Variants in NKX6-3 observed in about 807,000 individuals in gnomAD.
The protein encoded by NKX6-3 is NK6 homeobox 3.
A neutral mutation model predicts 22.0 loss-of-function variants in NKX6-3; 17 were observed. That is an observed-to-expected ratio of 0.77 (90% CI 0.53 to 1.16). The LOEUF is 1.16. NKX6-3 is among the 50% of genes most tolerant of loss of function. The pLI is 0.00. For missense variants in NKX6-3, 363 were observed against 359.0 expected, an observed-to-expected ratio of 1.01 and a Z score of -0.09; for synonymous variants, 177 against 167.2, an observed-to-expected ratio of 1.06 and a Z score of -0.45.
intron 1 of NKX6-3, among the ~76,000 whole-genome samples, chr8:41,649,751 G>T (rs926826619): frequency 6.6e-6 from 1 of 152,198 alleles, no homozygotes; most frequent in Non-Finnish European, 1.5e-5. Flanking sequence ...GGGTGAAGAA[G>T]TGGTTGCATG....
Position 41,650,422 on chromosome 8 carries a change from G to T in NKX6-3, c.71C>A (p.Ala24Asp), listed in dbSNP as rs752823489. 3.3e-6 allele frequency: 5 copies of T among 1,535,586 alleles called. No homozygotes were observed. Among genetic ancestry groups the T allele is most frequent in the Admixed American group, 3.9e-5 (2 of 50,970 alleles). Residue 24 changes from alanine (A) to aspartate (D), a missense_variant, in exon 1 of 3, where the codon GCC (alanine) becomes GAC (aspartate). Coordinates refer to ENST00000518699, the MANE Select transcript of NKX6-3 (RefSeq NM_001364841.2). ...TPLAQFPEMK[A>D]PVCQYSVQNS... ...CTGCACAGAGTACTGGCACACCGGG[G>T]CCTTCATCTCCGGAAACTGAGCCAG...
chr8:41,649,662 G>T (rs1267462496), intron 1 of NKX6-3, among the ~76,000 whole-genome samples: 2 of 152,208 alleles, frequency 1.3e-5, no homozygotes, highest in Admixed American at 1.3e-4. Flanking sequence ...GGTGCGTTCT[G>T]CACCCTTGAG....
rs564591770 is a variant in NKX6-3 at position 41,648,285 on chromosome 8, C to G, written c.383-50G>C. 1,188 of 1,468,438 alleles carry G rather than the reference C, an allele frequency of 8.1e-4. 3 individuals carry two copies. Among genetic ancestry groups the G allele is most frequent in the Non-Finnish European group, 1.0e-3 (1,117 of 1,100,830 alleles). The allele number at this position is 1,468,438 out of a possible 1,614,324, so 91.0% of individuals were successfully genotyped here. ...GTTAGTAGAATAAGTGGGGACCCTG[C>G]GGCTAGGCACGTCTGGCAGGGCAAC... On this transcript the variant is annotated intron_variant, in intron 1 of 2. Transcript: ENST00000518699.
Position 41,650,660 on chromosome 8 carries a change from G to A in NKX6-3, c.-168C>T, listed in dbSNP as rs1047729963. 1 of 663,978 alleles carries A rather than the reference G, an allele frequency of 1.5e-6. No individual in the cohort carries two copies. Among genetic ancestry groups the A allele is most frequent in the Non-Finnish European group, 2.5e-6 (1 of 401,182 alleles). 41.1% of individuals were successfully genotyped at this position (663,978 alleles called of 1,614,324 possible). ...GGCCCTGGCCCAGGAACCGGCACCC[G>A]ATCAGCTGCTCGGAAGTCAGGTGCT... On this transcript the variant is annotated 5_prime_UTR_variant, in exon 1 of 3. Transcript: ENST00000518699.
chr8:41,648,097 T>A lies in NKX6-3; in HGVS notation c.521A>T (p.Tyr174Phe). ...CTGCGACTCGGTCATGCCCAGTGAG[T>A]ATGCCAGCCGTGCCCTCTCGGGGCC... ...LAGPERARLA[Y>F]SLGMTESQVK... Residue 174 changes from tyrosine (Y) to phenylalanine (F), a missense_variant, in exon 2 of 3, where the codon TAC (tyrosine) becomes TTC (phenylalanine). Physicochemically the swap from Tyr to Phe is conservative, Grantham distance 22 (BLOSUM62 3). Around this residue, in one of 3 missense-constraint regions of NKX6-3, gnomAD observed 169 missense variants for 155.8 expected, o/e 1.08. Coordinates refer to ENST00000518699, the MANE Select transcript of NKX6-3 (RefSeq NM_001364841.2). 6.5e-7 allele frequency: 1 copy of A among 1,536,118 alleles called. No homozygotes were observed. Among genetic ancestry groups the A allele is most frequent in the Non-Finnish European group, 8.7e-7 (1 of 1,146,658 alleles).
rs1433894630 is a variant in NKX6-3 at position 41,650,134 on chromosome 8, C to G, written c.359G>C (p.Arg120Pro). The change falls in exon 1 of 3, where the codon CGA (arginine) becomes CCA (proline). Residue 120 changes from arginine (R) to proline (P), a missense_variant. By Grantham distance (103) the Arg-to-Pro change is moderately radical (BLOSUM62 -2). Coordinates refer to ENST00000518699, the MANE Select transcript of NKX6-3 (RefSeq NM_001364841.2). ...NCWADTGQDW[R>P]GGRQCSNTPD... Reference sequence around the variant, plus strand: ...ACTGTTGCTGCACTGCCGCCCGCCTCGCCAGTCTTGGCCCGTGTCCGCCCA... The same window carrying G: ...ACTGTTGCTGCACTGCCGCCCGCCTGGCCAGTCTTGGCCCGTGTCCGCCCA... 6.5e-7 allele frequency: 1 copy of G among 1,535,192 alleles called. No homozygotes were observed. Among genetic ancestry groups the G allele is most frequent in the African/African-American group, 1.4e-5 (1 of 72,990 alleles).
chr8:41,650,090 C>A (rs1231811671), intron 1 of NKX6-3, 21 bp downstream of exon 1: 1 of 1,518,160 alleles, frequency 6.6e-7, no homozygotes, highest in Admixed American at 2.0e-5. Flanking sequence ...CGGGAGGTGG[C>A]TGGGGAGGAC....
Position 41,650,529 on chromosome 8 carries a change from C to T in NKX6-3, c.-37G>A. The T allele has an allele frequency of 6.5e-7, 1 of 1,528,260 alleles. No homozygotes were observed. The highest frequency in any genetic ancestry group is 8.7e-7 in the Non-Finnish European group (1 of 1,144,084). The allele number at this position is 1,528,260 out of a possible 1,614,324, so 94.7% of individuals were successfully genotyped here. ...CAGGACAGGGAAGGCTTCTCCAGGC[C>T]CCTAAAACCCAAGAGCCCACTCTCT... On this transcript the variant is annotated 5_prime_UTR_variant, in exon 1 of 3. Coordinates refer to ENST00000518699, the MANE Select transcript of NKX6-3 (RefSeq NM_001364841.2).
chr8:41,646,657 T>C lies in NKX6-3; in HGVS notation c.590A>G (p.Lys197Arg). Reference protein sequence around the residue: ...FQNRRTKWRKKSALEPSSSTP... With the variant: ...FQNRRTKWRKRSALEPSSSTP... ...GGAGGACGAGGGCTCCAGGGCGCTCTTCTTCCGCCACTTGGTCCTGCGGTT... is the reference window on the plus strand; with the variant it reads ...GGAGGACGAGGGCTCCAGGGCGCTCCTCTTCCGCCACTTGGTCCTGCGGTT... Residue 197 changes from lysine (K) to arginine (R), a missense_variant, in exon 3 of 3, where the codon AAG (lysine) becomes AGG (arginine). Physicochemically the swap from Lys to Arg is conservative, Grantham distance 26. This residue lies in a region of NKX6-3 where 169 missense variants were observed against 155.8 expected (regional missense o/e 1.08). Transcript: ENST00000518699. 6.5e-7 allele frequency: 1 copy of C among 1,545,958 alleles called. No homozygotes were observed. Among genetic ancestry groups the C allele is most frequent in the Non-Finnish European group, 8.7e-7 (1 of 1,146,826 alleles).
Position 41,648,168 on chromosome 8 carries a change from C to T in NKX6-3, c.450G>A (p.Gln150=). The change falls in exon 2 of 3, where the codon CAG becomes CAA. Residue 150 remains glutamine (Q), a synonymous_variant. Transcript: ENST00000518699. ...CAAAGGTTTTCTCCAGGGCAAAGAT[C>T]TGGTGCCCCGTGAAGGTGGGCCGGG... is the stretch of plus-strand genomic sequence containing the variant. ...KHTRPTFTGH[Q]IFALEKTFEQ... The T allele has an allele frequency of 6.5e-7, 1 of 1,538,654 alleles. No individual in the cohort carries two copies. Among genetic ancestry groups the T allele is most frequent in the Non-Finnish European group, 8.7e-7 (1 of 1,146,908 alleles).
Position 41,648,141 on chromosome 8 carries a change from C to T in NKX6-3, c.477G>A (p.Glu159=), listed in dbSNP as rs998735261. 3.9e-6 allele frequency: 6 copies of T among 1,538,396 alleles called. No homozygotes were observed. The highest frequency in any genetic ancestry group is 2.7e-5 in the African/African-American group (2 of 73,046). The part of the protein sequence containing the change: ...HQIFALEKTF[E]QTKYLAGPER... ...CGGGGCCAGCCAAGTACTTGGTCTG[C>T]TCAAAGGTTTTCTCCAGGGCAAAGA... The change falls in exon 2 of 3, where the codon GAG becomes GAA. Residue 159 remains glutamate (E), a synonymous_variant. Coordinates refer to ENST00000518699, the MANE Select transcript of NKX6-3 (RefSeq NM_001364841.2).
Position 41,646,264 on chromosome 8 carries a change from T to C in NKX6-3, c.*185A>G. The C allele has an allele frequency of 3.9e-6, 3 of 768,264 alleles. No individual in the cohort carries two copies. The highest frequency in any genetic ancestry group is 6.1e-6 in the Non-Finnish European group (3 of 490,612). 47.6% of individuals were successfully genotyped at this position (768,264 alleles called of 1,614,324 possible). ...GGATGCCTGTCCCCTTTCCCTCCTT[T>C]TCCTCCTCCTCCCCCGCCTCCCCTC... On this transcript the variant is annotated 3_prime_UTR_variant, in exon 3 of 3. Coordinates refer to ENST00000518699, the MANE Select transcript of NKX6-3 (RefSeq NM_001364841.2).
chr8:41,650,397 C>T lies in NKX6-3; in HGVS notation c.96G>A (p.Gln32=). ...GGGGGCTGAGCTTGTAGAAGGAGTTCTGCACAGAGTACTGGCACACCGGGG... is the reference window on the plus strand; with the variant it reads ...GGGGGCTGAGCTTGTAGAAGGAGTTTTGCACAGAGTACTGGCACACCGGGG... The part of the protein sequence containing the change: ...MKAPVCQYSV[Q]NSFYKLSPPG... The change falls in exon 1 of 3, where the codon CAG becomes CAA. Residue 32 remains glutamine (Q), a synonymous_variant. Coordinates refer to ENST00000518699, the MANE Select transcript of NKX6-3 (RefSeq NM_001364841.2). 1 of 1,535,756 alleles carries T rather than the reference C, an allele frequency of 6.5e-7. No homozygotes were observed. The highest frequency in any genetic ancestry group is 1.4e-5 in the African/African-American group (1 of 73,156).
At chr8:41,647,473 G>C in intron 2 of NKX6-3, 2 of 1,046,472 alleles carry the variant, frequency 1.9e-6, no homozygotes, top group Non-Finnish European at 2.7e-6. Context: ...TGGGGCCCCT[G>C]CGTGTGGAGT....
chr8:41,646,166 A>G lies in NKX6-3; in HGVS notation c.*283T>C. 2 of 534,690 alleles carry G rather than the reference A, an allele frequency of 3.7e-6. No homozygotes were observed. The highest frequency in any genetic ancestry group is 5.1e-5 in the South Asian group (2 of 39,102). The allele number at this position is 534,690 out of a possible 1,614,324, so 33.1% of individuals were successfully genotyped here. A position where few individuals can be genotyped will look rare whatever the true frequency, so the allele number is the denominator to read the frequency against. ...CAGAACTGGCAGGCGAGGCCCGAGG[A>G]GGTGCAAGGGGCAGCGGCTTCCAGG... On this transcript the variant is annotated 3_prime_UTR_variant, in exon 3 of 3. Transcript: ENST00000518699.
intron 1 of NKX6-3, among the ~76,000 whole-genome samples, chr8:41,649,909 A>C (rs1225396197): frequency 6.6e-6 from 1 of 151,972 alleles, no homozygotes; most frequent in Non-Finnish European, 1.5e-5. Context: ...TGGCTCAGAC[A>C]CCTGTGTCCA....
intron 2 of NKX6-3, chr8:41,647,257 C>CTGAGCGGCTGA: frequency 6.2e-7 from 1 of 1,610,594 alleles, no homozygotes; most frequent in Non-Finnish European, 8.5e-7. Flanking sequence ...CCCAGGGCAG[C>CTGAGCGGCTGA]TGAGCGGCTG....
At position 41,650,782 on chromosome 8, in the gene NKX6-3, G is replaced by C. The variant is rs1804303641; in HGVS notation, c.-290C>G. ...AAGCCTCAGCTCAGACCCCCTTTCT[G>C]CCTCTGAGTCGGGGGACCCTCCATG... On this transcript the variant is annotated 5_prime_UTR_variant, in exon 1 of 3. Transcript: ENST00000518699. The C allele has an allele frequency of 2.8e-6, 1 of 361,882 alleles. No homozygotes were observed. Among genetic ancestry groups the C allele is most frequent in the Non-Finnish European group, 5.0e-6 (1 of 198,484 alleles). The allele number at this position is 361,882 out of a possible 1,614,324, so 22.4% of individuals were successfully genotyped here.
intron 2 of NKX6-3, chr8:41,647,224 T>C (rs776639255): frequency 1.9e-6 from 3 of 1,612,696 alleles, no homozygotes; most frequent in East Asian, 4.5e-5. Context: ...CAGGAGTGTC[T>C]GCTTCTTCCC....
Sources: gnomAD v4.1 joint callset for allele counts (sites outside exome capture counted in the v4.1 genomes callset) on GRCh38, gnomAD v4.1.1 for gene constraint, gnomAD v4.1.1 regional missense constraint, MANE v1.5 for transcripts, NCBI Gene and HGNC (gene_info 2026-07-23, HGNC 2026-07-21) for gene names.